LCOR: variants seen among roughly 807,000 people sequenced by gnomAD.
LCOR encodes the protein ligand dependent nuclear receptor corepressor.
In LCOR, 14 loss-of-function variants were observed where a neutral mutation model predicts 64.4. The observed-to-expected ratio is 0.22, with a 90% CI of 0.14 to 0.34. The LOEUF (loss-of-function observed/expected upper bound fraction) is 0.34, where lower values mean the gene tolerates loss of function less well. LCOR is among the 10% of genes least tolerant of loss of function. The probability of loss-of-function intolerance (pLI) is 1.00; values close to 1 mark genes in which losing one functional copy is unlikely to be tolerated. For synonymous variants in LCOR, 643 were observed against 642.5 expected (o/e 1.00, Z -0.01); for missense variants, 1,686 against 1,765.3 (o/e 0.96, Z 0.80).
chr10:96,833,502 C>T (rs1845384379), intron 2 of LCOR, 23 bp downstream of exon 2: 1 of 955,456 alleles, frequency 1.0e-6, no homozygotes, highest in Admixed American at 6.2e-5. Flanking sequence ...TGTGGTGTCT[C>T]CGCTCCGCCC....
intron 2 of LCOR, among the ~76,000 whole-genome samples, chr10:96,874,376 A>G (rs1460529532): frequency 1.3e-5 from 2 of 152,168 alleles, no homozygotes; most frequent in East Asian, 1.9e-4. Context: ...ATGACTCCTT[A>G]TAATCTTCAG....
chr10:96,932,274 A>G (rs1847274110), intron 4 of LCOR, among the ~76,000 whole-genome samples: 1 of 152,096 alleles, frequency 6.6e-6, no homozygotes, highest in East Asian at 1.9e-4. Context: ...ATTGCTTGGA[A>G]AATTAAGTGT....
At chr10:96,850,285 C>A (rs1278455266) in intron 2 of LCOR, among the ~76,000 whole-genome samples, 1 of 152,076 alleles carries the variant, frequency 6.6e-6, no homozygotes, top group African/African-American at 2.4e-5. Flanking sequence ...CGCAGTGGCT[C>A]ACGCCTGTAA....
Position 96,982,793 on chromosome 10 carries a change from G to T in LCOR, c.2333G>T (p.Gly778Val), listed in dbSNP as rs775003699. The change falls in exon 8 of 8, where the codon GGT becomes GTT. Residue 778 changes from glycine to valine, a missense_variant. Coordinates refer to ENST00000421806, the MANE Select transcript of LCOR (RefSeq NM_001346516.2). ...ATAGGAAAATTAGAGGGAGAGGACG[G>T]TGATGTAAAATGCCTGTCAGAAAAA... The part of the protein sequence containing the change: ...GGIGKLEGED[G>V]DVKCLSEKDT... 2 of 1,614,114 alleles carry T rather than the reference G, an allele frequency of 1.2e-6. No individual in the cohort carries two copies. Among genetic ancestry groups the T allele is most frequent in the Non-Finnish European group, 1.7e-6 (2 of 1,180,016 alleles).
intron 1 of LCOR, chr10:96,833,193 C>T: frequency 1.0e-6 from 1 of 985,016 alleles, no homozygotes; most frequent in Non-Finnish European, 1.2e-6. Flanking sequence ...GGAGCCCCGG[C>T]GGGGGTCGCT....
At chr10:96,900,890 G>C (rs562655369) in intron 2 of LCOR, among the ~76,000 whole-genome samples, 87 of 120,434 alleles carry the variant, frequency 7.2e-4, no homozygotes, top group African/African-American at 2.7e-3. Context: ...TCTTTTTTCT[G>C]TTTTAAGAGA....
chr10:96,979,539 A>G (rs905251207), intron 7 of LCOR, among the ~76,000 whole-genome samples: 12 of 152,216 alleles, frequency 7.9e-5, no homozygotes, highest in African/African-American at 2.7e-4. Context: ...AATGGTGGAA[A>G]GGGGTTTTTA....
intron 2 of LCOR, among the ~76,000 whole-genome samples, chr10:96,899,032 C>T (rs762181904): frequency 6.6e-5 from 10 of 152,038 alleles, no homozygotes; most frequent in Non-Finnish European, 1.3e-4. Flanking sequence ...TGTGACTAAC[C>T]GAGGTCTCTA....
intron 7 of LCOR, chr10:96,962,066 G>C (rs1264920554): frequency 2.6e-5 from 4 of 151,844 alleles, no homozygotes; most frequent in Non-Finnish European, 5.9e-5. Context: ...TAAGTTTTTG[G>C]ATGATTATTT....
At chr10:96,980,639 G>C (rs561262064) in intron 7 of LCOR, among the ~76,000 whole-genome samples, 154 bp from the exon 8 acceptor site, 2 of 152,238 alleles carry the variant, frequency 1.3e-5, no homozygotes, top group African/African-American at 4.8e-5. Context: ...TTTAGGCCAG[G>C]AGTTCGAGAT....
At chr10:96,974,724 C>G (rs1848024574) in intron 7 of LCOR, among the ~76,000 whole-genome samples, 1 of 152,028 alleles carries the variant, frequency 6.6e-6, no homozygotes, top group Non-Finnish European at 1.5e-5. Context: ...AATTGAATAA[C>G]TAGAAGCAAA....
intron 4 of LCOR, among the ~76,000 whole-genome samples, chr10:96,928,099 T>C (rs1431565608): frequency 6.6e-6 from 1 of 152,180 alleles, no homozygotes; most frequent in Non-Finnish European, 1.5e-5. Context: ...TGGTGGTTGC[T>C]GAAAGTTGGG....
intron 2 of LCOR, among the ~76,000 whole-genome samples, chr10:96,857,773 G>A (rs949440437): frequency 9.2e-5 from 14 of 152,110 alleles, no homozygotes; most frequent in African/African-American, 3.4e-4. Context: ...AATGATGCTT[G>A]GACACACTGA....
chr10:96,952,318 A>T, intron 7 of LCOR, 122 bp downstream of exon 7: 1 of 629,356 alleles, frequency 1.6e-6, no homozygotes, highest in Non-Finnish European at 2.8e-6. Context: ...ATAAATATGG[A>T]CCATAGATCA....
intron 2 of LCOR, among the ~76,000 whole-genome samples, chr10:96,844,350 T>A (rs1037275681): frequency 6.6e-6 from 1 of 151,894 alleles, no homozygotes; most frequent in African/African-American, 2.4e-5. Context: ...GGGGTCTTGC[T>A]TTGTTACCCA....
intron 2 of LCOR, among the ~76,000 whole-genome samples, chr10:96,864,958 G>A (rs1845947048): frequency 6.6e-6 from 1 of 152,188 alleles, no homozygotes; most frequent in Non-Finnish European, 1.5e-5. Context: ...ATAATTGTGT[G>A]TGAGTTGTGG....
chr10:96,865,916 C>G (rs1245704684), intron 2 of LCOR, among the ~76,000 whole-genome samples: 1 of 151,588 alleles, frequency 6.6e-6, no homozygotes, highest in Non-Finnish European at 1.5e-5. Flanking sequence ...AGAGCACTGC[C>G]AGCCTCCTTG....
intron 2 of LCOR, among the ~76,000 whole-genome samples, chr10:96,895,095 T>C (rs1846514628): frequency 6.6e-6 from 1 of 152,224 alleles, no homozygotes; most frequent in African/African-American, 2.4e-5. Flanking sequence ...TGTCTGTACT[T>C]TACTGATTCC....
rs1158895269 is a variant in LCOR, at chr10:96,993,084, A to ATGGAACCAGTGCT, written c.*7952_*7964dup. The ATGGAACCAGTGCT allele has an allele frequency of 1.3e-5, 2 of 152,180 alleles. No homozygotes were observed. Among genetic ancestry groups the ATGGAACCAGTGCT allele is most frequent in the Non-Finnish European group, 2.9e-5 (2 of 68,052 alleles). The allele number at this position is 152,180 out of a possible 1,614,324, so 9.4% of individuals were successfully genotyped here. On this transcript the variant is annotated 3_prime_UTR_variant, in exon 8 of 8. Transcript: ENST00000421806. The stretch of plus-strand genomic sequence containing the variant: ...ACAATTCAGAGCACCCCTAGATGGG[A>ATGGAACCAGTGCT]TGGAACCAGTGCTTTATGATCATGT...
Sources: gnomAD v4.1 joint callset for allele counts (sites outside exome capture counted in the v4.1 genomes callset) on GRCh38, gnomAD v4.1.1 for gene constraint, MANE v1.5 for transcripts, NCBI Gene and HGNC (gene_info 2026-07-23, HGNC 2026-07-21) for gene names.